COL25A1: variants seen among roughly 807,000 people sequenced by gnomAD.
COL25A1 encodes collagen type XXV alpha 1 chain, also known as collagen alpha-1(XXV) chain.
COL25A1 carries 103 observed loss-of-function variants against 128.4 expected under a neutral mutation model. That is an observed-to-expected ratio of 0.80 (90% CI 0.68 to 0.94). The LOEUF is 0.94. Ranked by LOEUF, COL25A1 falls within the 40% of genes least tolerant of loss-of-function variation. COL25A1 has a pLI of 0.00. For synonymous variants in COL25A1, 279 were observed against 277.2 expected, an observed-to-expected ratio of 1.01 and a Z score of -0.06; for missense variants, 745 against 840.0, an observed-to-expected ratio of 0.89 and a Z score of 1.40.
chr4:109,012,804 C>T (rs1294291457), intron 5 of COL25A1, among the ~76,000 whole-genome samples: 1 of 152,214 alleles, frequency 6.6e-6, no homozygotes, highest in Non-Finnish European at 1.5e-5. Flanking sequence ...CGGGTGCCGC[C>T]CCCTGCTCCG....
intron 3 of COL25A1, among the ~76,000 whole-genome samples, chr4:109,103,604 A>C (rs182798030): frequency 4.1e-4 from 63 of 152,326 alleles, no homozygotes; most frequent in African/African-American, 1.5e-3. Flanking sequence ...AAATACAAAA[A>C]TACCCAGAAT....
At chr4:109,083,448 A>AATTTTT (rs377354398) in intron 3 of COL25A1, among the ~76,000 whole-genome samples, 1 of 77,010 alleles carries the variant, frequency 1.3e-5, no homozygotes, top group African/African-American at 4.8e-5. Flanking sequence ...CACTAAATAA[A>AATTTTT]TTTTTTTTTT....
At chr4:108,862,452 A>T in intron 22 of COL25A1, 49 bp downstream of exon 22, 1 of 1,413,410 alleles carries the variant, frequency 7.1e-7, no homozygotes, top group Non-Finnish European at 1.0e-6. Flanking sequence ...CAAAAAGCAC[A>T]GATCTTGAAG....
intron 3 of COL25A1, among the ~76,000 whole-genome samples, chr4:109,094,902 C>T (rs1469211538): frequency 6.6e-6 from 1 of 152,152 alleles, no homozygotes; most frequent in East Asian, 1.9e-4. Flanking sequence ...AATGATTAGA[C>T]AAGAACAAAT....
chr4:109,172,506 C>G (rs1005496650), intron 3 of COL25A1, among the ~76,000 whole-genome samples: 7 of 152,200 alleles, frequency 4.6e-5, no homozygotes, highest in African/African-American at 1.7e-4. Flanking sequence ...CTTCTTGCCT[C>G]CTGTGGGTCT....
At chr4:108,932,169 T>C (rs1035900786) in intron 11 of COL25A1, among the ~76,000 whole-genome samples, 2 of 152,172 alleles carry the variant, frequency 1.3e-5, no homozygotes, top group African/African-American at 2.4e-5. Flanking sequence ...CAAAGCACAG[T>C]GAAGGAAAGC....
At chr4:108,921,828 G>A (rs928833035) in intron 11 of COL25A1, among the ~76,000 whole-genome samples, 6 of 152,074 alleles carry the variant, frequency 3.9e-5, no homozygotes, top group African/African-American at 1.4e-4. Context: ...ACTGTTTAAT[G>A]AGCTTGTTAT....
intron 3 of COL25A1, among the ~76,000 whole-genome samples, chr4:109,264,337 G>A (rs891541819): frequency 1.3e-5 from 2 of 152,216 alleles, no homozygotes; most frequent in South Asian, 4.1e-4. Context: ...GGATTGCACG[G>A]ATTTCACTTT....
At chr4:108,961,687 T>C (rs1750727508) in intron 8 of COL25A1, among the ~76,000 whole-genome samples, 1 of 151,726 alleles carries the variant, frequency 6.6e-6, no homozygotes. Context: ...ACTTCCTTCA[T>C]TCTGTACTTC....
intron 3 of COL25A1, among the ~76,000 whole-genome samples, chr4:109,286,575 G>A (rs1457858389): frequency 6.6e-6 from 1 of 152,072 alleles, no homozygotes; most frequent in African/African-American, 2.4e-5. Context: ...ATTCTCAACT[G>A]GGAATGATTT....
chr4:108,915,254 A>T (rs542498672), intron 13 of COL25A1, among the ~76,000 whole-genome samples: 1 of 152,382 alleles, frequency 6.6e-6, no homozygotes, highest in East Asian at 1.9e-4. Flanking sequence ...GAAAAACGTC[A>T]CACCAAGTTT....
At chr4:109,259,209 G>A (rs1440595793) in intron 3 of COL25A1, among the ~76,000 whole-genome samples, 1 of 152,048 alleles carries the variant, frequency 6.6e-6, no homozygotes, top group Non-Finnish European at 1.5e-5. Context: ...TCACATGCAA[G>A]TAGTTTCAAT....
intron 3 of COL25A1, among the ~76,000 whole-genome samples, chr4:109,204,785 CA>C (rs534863668): frequency 1.3e-5 from 2 of 151,956 alleles, no homozygotes; most frequent in Non-Finnish European, 2.9e-5. Flanking sequence ...CTACCAAAGA[CA>C]AAAAAATGGA....
intron 5 of COL25A1, among the ~76,000 whole-genome samples, chr4:109,023,645 C>T (rs1233506943): frequency 1.3e-5 from 2 of 152,166 alleles, no homozygotes; most frequent in African/African-American, 2.4e-5. Context: ...AGCAAAGAAA[C>T]TGGCAGAAAT....
rs377672179 is a variant in COL25A1 at position 109,025,484 on chromosome 4, A to G, written c.421-15109T>C. Among the ~76,000 whole-genome samples the G allele has an allele frequency of 1.2e-4, 19 of 152,324 alleles. No individual in the cohort carries two copies. In the South Asian group the frequency reaches 3.7e-3, roughly 30 times the overall value. ...TATGTGCCCAATTCTGATTTTCTAA[A>G]TATTGTGCACAAAGACAGACTTGAC... On this transcript the variant is annotated intron_variant, in intron 5 of 37. Coordinates refer to ENST00000399132, the MANE Select transcript of COL25A1 (RefSeq NM_198721.4).
chr4:109,164,620 T>C (rs2126123192), intron 3 of COL25A1, among the ~76,000 whole-genome samples: 1 of 152,350 alleles, frequency 6.6e-6, no homozygotes, highest in South Asian at 2.1e-4. Context: ...AATCATTTAC[T>C]TGATAAGAAT....
chr4:108,818,615 T>C (rs1239481770), intron 36 of COL25A1, among the ~76,000 whole-genome samples: 1 of 152,154 alleles, frequency 6.6e-6, no homozygotes, highest in African/African-American at 2.4e-5. Flanking sequence ...GGGAGTTTGG[T>C]CTACTTTAGG....
intron 3 of COL25A1, among the ~76,000 whole-genome samples, chr4:109,219,787 A>G (rs1486355845): frequency 1.3e-5 from 2 of 152,296 alleles, no homozygotes; most frequent in Admixed American, 6.5e-5. Context: ...TCTTGAGATC[A>G]CCTTCTATAT....
chr4:108,942,393 C>T, intron 8 of COL25A1: 2 of 800,820 alleles, frequency 2.5e-6, no homozygotes, highest in Non-Finnish European at 4.1e-6. Context: ...AGTCTTGCCT[C>T]ATCTGACATA....
Sources: gnomAD v4.1 joint callset for allele counts (sites outside exome capture counted in the v4.1 genomes callset) on GRCh38, gnomAD v4.1.1 for gene constraint, MANE v1.5 for transcripts, NCBI Gene and HGNC (gene_info 2026-07-23, HGNC 2026-07-21) for gene names.